Variants in ROR1 observed in about 807,000 individuals in gnomAD.
The protein encoded by ROR1 is inactive tyrosine-protein kinase transmembrane receptor ROR1.
Under a neutral mutation model 78.8 loss-of-function variants are expected in ROR1, and 19 were observed. That is an observed-to-expected ratio of 0.24 (90% CI 0.17 to 0.35). The LOEUF (loss-of-function observed/expected upper bound fraction) is 0.35, where lower values mean the gene tolerates loss of function less well. ROR1 is among the 10% of genes least tolerant of loss of function. The probability of loss-of-function intolerance (pLI) is 1.00; values close to 1 mark genes in which losing one functional copy is unlikely to be tolerated. For missense variants in ROR1, 917 were observed against 1,177.8 expected, an observed-to-expected ratio of 0.78 and a Z score of 3.24; for synonymous variants, 386 against 433.6, an observed-to-expected ratio of 0.89 and a Z score of 1.36.
chr1:63,803,287 A>G (rs1008859974), intron 1 of ROR1, among the ~76,000 whole-genome samples: 2 of 152,196 alleles, frequency 1.3e-5, no homozygotes, highest in Non-Finnish European at 2.9e-5. Context: ...AATTATCTAC[A>G]TTGTATTTAA....
chr1:63,780,623 G>C (rs1312230261), intron 1 of ROR1, among the ~76,000 whole-genome samples: 1 of 152,130 alleles, frequency 6.6e-6, no homozygotes, highest in Non-Finnish European at 1.5e-5. Flanking sequence ...TCAGAGAATA[G>C]CAAGTTTTAC....
chr1:63,788,880 G>A, intron 1 of ROR1: 1 of 875,420 alleles, frequency 1.1e-6, no homozygotes, highest in Admixed American at 1.8e-5. Flanking sequence ...TCAGCTTGTG[G>A]ATGTGTTCCA....
At chr1:64,026,089 C>G (rs942157990) in intron 2 of ROR1, among the ~76,000 whole-genome samples, 1 of 151,940 alleles carries the variant, frequency 6.6e-6, no homozygotes, top group Non-Finnish European at 1.5e-5. Context: ...ACCTATTCTT[C>G]TTTTTGAGAA....
chr1:63,812,558 T>C (rs75717925), intron 1 of ROR1, among the ~76,000 whole-genome samples: 9 of 152,244 alleles, frequency 5.9e-5, no homozygotes, highest in Non-Finnish European at 1.3e-4. Context: ...GGTCAGGAAA[T>C]TGGAATTTGT....
At chr1:64,114,908 T>C (rs146033270) in intron 4 of ROR1, among the ~76,000 whole-genome samples, 3 of 152,344 alleles carry the variant, frequency 2.0e-5, no homozygotes, top group African/African-American at 7.2e-5. Context: ...TTGCCTTTTA[T>C]ATTGTTATAG....
chr1:63,803,528 T>C (rs535775857), intron 1 of ROR1, among the ~76,000 whole-genome samples: 1 of 152,102 alleles, frequency 6.6e-6, no homozygotes, highest in Non-Finnish European at 1.5e-5. Flanking sequence ...ATATTTTTAG[T>C]AGAGATGGGG....
At chr1:63,882,733 T>C (rs888134563) in intron 1 of ROR1, among the ~76,000 whole-genome samples, 3 of 152,180 alleles carry the variant, frequency 2.0e-5, no homozygotes, top group African/African-American at 7.2e-5. Flanking sequence ...ATAGTAATGA[T>C]GGGCATGAAG....
chr1:64,031,082 G>T (rs947228544), intron 2 of ROR1, among the ~76,000 whole-genome samples: 1 of 152,130 alleles, frequency 6.6e-6, no homozygotes, highest in Non-Finnish European at 1.5e-5. Flanking sequence ...TTCCCAGGCT[G>T]GTCCTGAACT....
intron 1 of ROR1, among the ~76,000 whole-genome samples, chr1:63,883,402 CCTCT>C (rs994948195): frequency 6.6e-6 from 1 of 151,602 alleles, no homozygotes. Flanking sequence ...TCTTAAAAGT[CCTCT>C]CTCTCTCTTT....
intron 1 of ROR1, among the ~76,000 whole-genome samples, chr1:63,809,939 A>G (rs946513497): frequency 1.2e-4 from 19 of 152,224 alleles, no homozygotes; most frequent in African/African-American, 4.6e-4. Flanking sequence ...TCATTTTACC[A>G]GAGAAATTTC....
chr1:63,819,507 A>G (rs1032173741), intron 1 of ROR1, among the ~76,000 whole-genome samples: 2 of 152,174 alleles, frequency 1.3e-5, no homozygotes, highest in Non-Finnish European at 2.9e-5. Context: ...TATTATTGTG[A>G]GGGAGATGGA....
chr1:64,120,287 A>G (rs1439572944), intron 4 of ROR1, among the ~76,000 whole-genome samples: 1 of 152,132 alleles, frequency 6.6e-6, no homozygotes. Flanking sequence ...AGGTTCATGG[A>G]GAGCGCTGTG....
chr1:64,130,147 T>G (rs906883214), intron 4 of ROR1, among the ~76,000 whole-genome samples: 1 of 152,262 alleles, frequency 6.6e-6, no homozygotes, highest in Admixed American at 6.5e-5. Flanking sequence ...TTCGACACAG[T>G]CACCTCAAAA....
intron 1 of ROR1, among the ~76,000 whole-genome samples, chr1:63,939,238 G>A (rs1645817384): frequency 6.6e-6 from 1 of 151,990 alleles, no homozygotes; most frequent in African/African-American, 2.4e-5. Flanking sequence ...GAATTGTGTA[G>A]GCATCTTTTA....
At chr1:63,858,184 C>T (rs190241196) in intron 1 of ROR1, among the ~76,000 whole-genome samples, 1 of 152,238 alleles carries the variant, frequency 6.6e-6, no homozygotes, top group African/African-American at 2.4e-5. Flanking sequence ...ATGTGTGTTC[C>T]TTTGCTTTTA....
intron 7 of ROR1, among the ~76,000 whole-genome samples, chr1:64,156,844 G>T (rs2100727577): frequency 6.6e-6 from 1 of 152,146 alleles, no homozygotes; most frequent in South Asian, 2.1e-4. Flanking sequence ...GAGAAAATAG[G>T]GGCAAAATTC....
chr1:63,842,564 A>G (rs1381966351), intron 1 of ROR1, among the ~76,000 whole-genome samples: 1 of 152,164 alleles, frequency 6.6e-6, no homozygotes, highest in African/African-American at 2.4e-5. Flanking sequence ...CATCTTTGAA[A>G]AGTTAGTCTG....
intron 1 of ROR1, among the ~76,000 whole-genome samples, chr1:63,795,565 C>T (rs1213136084): frequency 6.6e-6 from 1 of 152,114 alleles, no homozygotes; most frequent in South Asian, 2.1e-4. Flanking sequence ...AGTAAGCTCT[C>T]TTGAACTCTT....
Position 64,142,484 on chromosome 1 carries a change from A to G in ROR1, c.1008A>G (p.Pro336=), listed in dbSNP as rs55753613. 1.4e-3 allele frequency: 2,208 copies of G among 1,614,156 alleles called. 23 individuals carry two copies. Among genetic ancestry groups the G allele is most frequent in the South Asian group, 0.012 (1,105 of 91,082 alleles). The change falls in exon 7 of 9, where the codon CCA becomes CCG. Residue 336 remains proline (P), a synonymous_variant. Transcript: ENST00000371079. ...CCAAATCAGGGCGCCAGTGCCAGCC[A>G]TGGAATTCCCAGTATCCCCACACAC... ...SVTKSGRQCQ[P]WNSQYPHTHT...
Sources: allele counts gnomAD v4.1 joint callset (sites outside exome capture counted in the v4.1 genomes callset), GRCh38; gene constraint gnomAD v4.1.1; transcripts MANE v1.5; gene names NCBI Gene and HGNC (gene_info 2026-07-23, HGNC 2026-07-21).